The following GASK1B variants were observed in gnomAD, a reference collection of about 807,000 sequenced individuals.
GASK1B encodes the protein Golgi-associated kinase 1B.
A neutral mutation model predicts 42.8 loss-of-function variants in GASK1B; 34 were observed. The observed-to-expected ratio is 0.79, with a 90% CI of 0.60 to 1.06. GASK1B has a LOEUF of 1.06. Ranked by LOEUF, GASK1B falls within the 50% of genes least tolerant of loss-of-function variation. The pLI is 0.00. For synonymous variants in GASK1B, 262 were observed against 259.1 expected (o/e 1.01, Z -0.11); for missense variants, 686 against 661.0 (o/e 1.04, Z -0.42).
At chr4:158,152,709 T>A (rs747175390) in intron 3 of GASK1B, among the ~76,000 whole-genome samples, 1 of 152,138 alleles carries the variant, frequency 6.6e-6, no homozygotes, top group South Asian at 2.1e-4. Flanking sequence ...AGCAAGTCAA[T>A]AAATGAGATA....
chr4:158,170,399 GA>G, intron 2 of GASK1B, 66 bp downstream of exon 2: 1 of 1,614,026 alleles, frequency 6.2e-7, no homozygotes, highest in Non-Finnish European at 8.5e-7. Context: ...AAAAGAGAGT[GA>G]GGGAAAAAAG....
intron 1 of GASK1B, chr4:158,172,350 C>T (rs1579060140): frequency 6.6e-6 from 1 of 152,162 alleles, no homozygotes; most frequent in Non-Finnish European, 1.5e-5. Context: ...CAGCTGGCCC[C>T]ATGCTTGGCT....
At chr4:158,154,648 T>C (rs987575553) in intron 3 of GASK1B, among the ~76,000 whole-genome samples, 2 of 152,176 alleles carry the variant, frequency 1.3e-5, no homozygotes, top group Admixed American at 6.5e-5. Flanking sequence ...AAATGTGGTA[T>C]ATATATACCA....
intron 2 of GASK1B, chr4:158,169,991 G>T (rs915433477): frequency 5.8e-6 from 3 of 513,032 alleles, no homozygotes; most frequent in Admixed American, 7.2e-5. Flanking sequence ...ACCTAACATG[G>T]TCTGGCTCTG....
At chr4:158,158,484 A>G (rs558971115) in intron 2 of GASK1B, among the ~76,000 whole-genome samples, 1 of 152,110 alleles carries the variant, frequency 6.6e-6, no homozygotes, top group East Asian at 1.9e-4. Context: ...ATGCAAAGAA[A>G]AAAAGCTATT....
At chr4:158,163,808 C>T (rs1005148979) in intron 2 of GASK1B, among the ~76,000 whole-genome samples, 41 of 152,240 alleles carry the variant, frequency 2.7e-4, no homozygotes, top group African/African-American at 9.6e-4. Context: ...CTACATTGCC[C>T]GTCCACACCC....
At chr4:158,132,937 A>C (rs1042730362) in intron 3 of GASK1B, among the ~76,000 whole-genome samples, 50 of 152,178 alleles carry the variant, frequency 3.3e-4, no homozygotes, top group Non-Finnish European at 4.3e-4. Flanking sequence ...AGGTTTCCCA[A>C]AGGTGAGCAA....
intron 3 of GASK1B, among the ~76,000 whole-genome samples, chr4:158,145,382 C>T (rs1028998485): frequency 6.6e-6 from 1 of 152,140 alleles, no homozygotes; most frequent in South Asian, 2.1e-4. Flanking sequence ...CATACCAACT[C>T]ATATTCTTGT....
intron 3 of GASK1B, among the ~76,000 whole-genome samples, chr4:158,139,708 T>A (rs1731042284): frequency 6.6e-6 from 1 of 152,150 alleles, no homozygotes; most frequent in Admixed American, 6.6e-5. Flanking sequence ...TAATCTATCA[T>A]ATGTTAATAT....
At chr4:158,137,905 T>C (rs1695444850) in intron 3 of GASK1B, among the ~76,000 whole-genome samples, 1 of 152,116 alleles carries the variant, frequency 6.6e-6, no homozygotes, top group African/African-American at 2.4e-5. Flanking sequence ...AATATAGAAA[T>C]CTAAAAATGG....
chr4:158,155,764 G>A lies in GASK1B; in HGVS notation c.972C>T (p.Thr324=). ...DASLSSASND[T]HSSVKLTWGT... is the part of the protein sequence containing the mutation. ...CCCAGGTGAGCTTAACAGAAGAATGGGTGTCATTACTTGCTGAAGATAAAG... is the reference window on the plus strand; with the variant it reads ...CCCAGGTGAGCTTAACAGAAGAATGAGTGTCATTACTTGCTGAAGATAAAG... Residue 324 remains threonine (T), a synonymous_variant, in exon 3 of 5, where the codon ACC becomes ACT. Coordinates refer to ENST00000585682, the MANE Select transcript of GASK1B (RefSeq NM_001128424.2). The A allele has an allele frequency of 6.2e-7, 1 of 1,613,782 alleles. No individual in the cohort carries two copies.
intron 3 of GASK1B, among the ~76,000 whole-genome samples, chr4:158,140,821 AC>A (rs1731086664): frequency 6.6e-6 from 1 of 152,376 alleles, no homozygotes; most frequent in Admixed American, 6.5e-5. Flanking sequence ...AACTAGACTT[AC>A]AACTGAAGCA....
At chr4:158,162,093 C>T (rs537835528) in intron 2 of GASK1B, among the ~76,000 whole-genome samples, 1 of 152,244 alleles carries the variant, frequency 6.6e-6, no homozygotes, top group East Asian at 1.9e-4. Flanking sequence ...ACTTTCTGCA[C>T]CCATCCCATC....
At position 158,149,923 on chromosome 4, in the gene GASK1B, C is replaced by CTTTTTTTT. The variant is rs745441423; in HGVS notation, c.1125+5680_1125+5687dup. 9.8e-4 allele frequency among the ~76,000 whole-genome samples: 66 copies of CTTTTTTTT among 67,162 alleles called. 27 individuals carry two copies. Among genetic ancestry groups the CTTTTTTTT allele is most frequent in the East Asian group, 5.6e-3 (11 of 1,974 alleles). The allele number at this position is 67,162 out of a possible 152,430, so 44.1% of individuals were successfully genotyped here. On this transcript the variant is annotated intron_variant, in intron 3 of 4. Coordinates refer to ENST00000585682, the MANE Select transcript of GASK1B (RefSeq NM_001128424.2). ...ATCTTAGATTTTGTTCTGCATGCTGCTTTTTTTTTTTTTTTTTTTGAGACG... is the reference window on the plus strand; with the variant it reads ...ATCTTAGATTTTGTTCTGCATGCTGCTTTTTTTTTTTTTTTTTTTTTTTTTTTGAGACG...
rs748572702 is a variant in GASK1B, at chr4:158,170,463, T to TA, written c.910+2dup. 1 of 1,614,214 alleles carries TA rather than the reference T, an allele frequency of 6.2e-7. No homozygotes were observed. The highest frequency in any genetic ancestry group is 8.5e-7 in the Non-Finnish European group (1 of 1,180,032). ...CAAATAACGAAGCATGTGAATCTGTTACCTTGGATGAACTCTGCTTTCCTG... is the reference window on the plus strand; with the variant it reads ...CAAATAACGAAGCATGTGAATCTGTTAACCTTGGATGAACTCTGCTTTCCTG... On this transcript the variant is annotated splice_region_variant and intron_variant, in intron 2 of 4. Transcript: ENST00000585682.
intron 3 of GASK1B, among the ~76,000 whole-genome samples, chr4:158,138,090 TAAGTAA>T (rs1015264543): frequency 5.3e-5 from 8 of 152,212 alleles, no homozygotes; most frequent in African/African-American, 7.2e-5. Flanking sequence ...TCTTTACGTA[TAAGTAA>T]AAGTATTCTA....
At chr4:158,156,373 GT>G (rs1286599042) in intron 2 of GASK1B, among the ~76,000 whole-genome samples, 1 of 152,138 alleles carries the variant, frequency 6.6e-6, no homozygotes, top group Non-Finnish European at 1.5e-5. Context: ...GAGGCAAGAG[GT>G]TTTTTTCTTT....
chr4:158,170,021 A>G, intron 2 of GASK1B: 1 of 568,892 alleles, frequency 1.8e-6, no homozygotes, highest in East Asian at 2.9e-5. Context: ...AGAAGATTCC[A>G]TCTGCTCAAG....
rs1273091276 is a variant in GASK1B at position 158,170,642 on chromosome 4, C to CCTCTA, written c.733_734insTAGAG (p.Arg245LeufsTer32). The CCTCTA allele has an allele frequency of 5.6e-6, 9 of 1,613,760 alleles. No homozygotes were observed. In the African/African-American group the frequency reaches 1.1e-4, roughly 19 times the overall value. ...TGCGCCCCCCTCCAGCACCAGCAAACGGGCTCCGCTCCTAGAGGACACAGG... is the reference window on the plus strand; with the variant it reads ...TGCGCCCCCCTCCAGCACCAGCAAACCTCTAGGGCTCCGCTCCTAGAGGACACAGG... On this transcript the variant is annotated frameshift_variant, in exon 2 of 5. Transcript: ENST00000585682. LOFTEE classifies it high-confidence loss of function.
Sources: allele counts gnomAD v4.1 joint callset (sites outside exome capture counted in the v4.1 genomes callset), GRCh38; gene constraint gnomAD v4.1.1; transcripts MANE v1.5; gene names NCBI Gene and HGNC (gene_info 2026-07-23, HGNC 2026-07-21).